Variants in LRATD2 observed in about 807,000 individuals in gnomAD.
LRATD2 encodes the protein LRAT domain containing 2.
LRATD2 carries 10 observed loss-of-function variants against 12.0 expected under a neutral mutation model. That is an observed-to-expected ratio of 0.83 (90% CI 0.51 to 1.41). The LOEUF is 1.41. Among genes scored for constraint, LRATD2 ranks in the 40% most tolerant of loss-of-function variants. The probability of loss-of-function intolerance (pLI) is 0.00; values close to 1 mark genes in which losing one functional copy is unlikely to be tolerated. For synonymous variants in LRATD2, 220 were observed against 205.8 expected (o/e 1.07, Z -0.59); for missense variants, 455 against 446.1 (o/e 1.02, Z -0.18).
rs562691402 is a variant in LRATD2 at position 126,556,486 on chromosome 8, C to G, written c.904G>C (p.Glu302Gln). Reference sequence around the variant, plus strand: ...TGTGCCACTGCCTCTCCGTCCTCCTCCTCGGAGCTGGGCGCAGGGGGGCGC... The same window carrying G: ...TGTGCCACTGCCTCTCCGTCCTCCTGCTCGGAGCTGGGCGCAGGGGGGCGC... ...PGRPPAPSSE[E>Q]EDGEAVAH Residue 302 changes from glutamate to glutamine, a missense_variant, in exon 2 of 2, where the codon GAG becomes CAG. Physicochemically the swap from Glu to Gln is conservative, Grantham distance 29. Coordinates refer to ENST00000304916, the MANE Select transcript of LRATD2 (RefSeq NM_174911.5). This position sits in a 1 kb window ranked among gnomAD's most constrained non-coding sequence, Gnocchi z 5.6. The G allele has an allele frequency of 4.4e-6, 7 of 1,586,618 alleles. No homozygotes were observed. The African/African-American group carries it at 9.4e-5, about 21-fold the overall frequency.
In LRATD2 at chr8:126,556,442, C is replaced by A. The variant is rs1190092728; in HGVS notation, c.*15G>T. ...CAAACAGTTCCCCTTCGCAGCTCTGCGCTCAGCTCGCCCATCAGTGTGCCA... is the reference window on the plus strand; with the variant it reads ...CAAACAGTTCCCCTTCGCAGCTCTGAGCTCAGCTCGCCCATCAGTGTGCCA... On this transcript the variant is annotated 3_prime_UTR_variant, in exon 2 of 2. Transcript: ENST00000304916. This position sits in a 1 kb window ranked among gnomAD's most constrained non-coding sequence, Gnocchi z 5.6. 6.5e-7 allele frequency: 1 copy of A among 1,545,820 alleles called. No homozygotes were observed. Among genetic ancestry groups the A allele is most frequent in the Non-Finnish European group, 8.7e-7 (1 of 1,152,122 alleles).
In LRATD2 at chr8:126,556,934, G is replaced by T; in HGVS notation, c.456C>A (p.Asn152Lys). The T allele has an allele frequency of 6.2e-7, 1 of 1,610,312 alleles. No individual in the cohort carries two copies. The change falls in exon 2 of 2, where the codon AAC becomes AAA. Residue 152 changes from asparagine (N) to lysine (K), a missense_variant. Asn to Lys is a moderately conservative substitution (Grantham distance 94, BLOSUM62 0). Transcript: ENST00000304916. The surrounding 1 kb of genome is among the most constrained non-coding windows in gnomAD (Gnocchi z 5.6). ...VVHLHRLEVI[N>K]SFLTDASQGR... ...CCTGGCTGGCGTCAGTCAGGAAGCT[G>T]TTAATCACCTCCAGCCGGTGCAGGT... is the stretch of plus-strand genomic sequence containing the variant.
chr8:126,556,488 T>C lies in LRATD2; in HGVS notation c.902A>G (p.Glu301Gly). 1 of 1,586,876 alleles carries C rather than the reference T, an allele frequency of 6.3e-7. No individual in the cohort carries two copies. The highest frequency in any genetic ancestry group is 8.6e-7 in the Non-Finnish European group (1 of 1,169,164). Residue 301 changes from glutamate to glycine, a missense_variant, in exon 2 of 2, where the codon GAG (glutamate) becomes GGG (glycine). Glu to Gly is a moderately conservative substitution (Grantham distance 98, BLOSUM62 -2). Coordinates refer to ENST00000304916, the MANE Select transcript of LRATD2 (RefSeq NM_174911.5). The surrounding 1 kb of genome is among the most constrained non-coding windows in gnomAD (Gnocchi z 5.6). ...PPGRPPAPSS[E>G]EEDGEAVAH ...TGCCACTGCCTCTCCGTCCTCCTCC[T>C]CGGAGCTGGGCGCAGGGGGGCGCCC...
chr8:126,556,736 G>A lies in LRATD2; in HGVS notation c.654C>T (p.Gly218=), dbSNP rs1393845514. 1.2e-6 allele frequency: 2 copies of A among 1,602,988 alleles called. No homozygotes were observed. Among genetic ancestry groups the A allele is most frequent in the Admixed American group, 1.7e-5 (1 of 58,940 alleles). Residue 218 remains glycine (G), a synonymous_variant, in exon 2 of 2, where the codon GGC becomes GGT. Transcript: ENST00000304916. The surrounding 1 kb of genome is among the most constrained non-coding windows in gnomAD (Gnocchi z 5.6). The stretch of plus-strand genomic sequence containing the variant: ...GCTGCTTGCCGATGCGCAGCTCGCC[G>A]CCGATCTTGAACTCGCGCTTGCCGT... ...CRYGKREFKI[G]GELRIGKQPY...
rs1042415824 is a variant in LRATD2 at position 126,554,483 on chromosome 8, C to G, written c.*1974G>C. The G allele has an allele frequency of 4.6e-5, 7 of 152,196 alleles. No homozygotes were observed. Among genetic ancestry groups the G allele is most frequent in the African/African-American group, 1.7e-4 (7 of 41,456 alleles). 9.4% of individuals were successfully genotyped at this position (152,196 alleles called of 1,614,324 possible). A position where few individuals can be genotyped will look rare whatever the true frequency, so the allele number is the denominator to read the frequency against. ...ATGGACACTAGATTTACATTTCCAA[C>G]AAGAAATTCATCTCCCTCCAAAGTC... On this transcript the variant is annotated 3_prime_UTR_variant, in exon 2 of 2. Transcript: ENST00000304916.
chr8:126,557,450 C>T lies in LRATD2; in HGVS notation c.-61G>A. On this transcript the variant is annotated 5_prime_UTR_variant, in exon 2 of 2. An upstream start codon of the reference 5' UTR is lost. Transcript: ENST00000304916. The surrounding 1 kb of genome is among the most constrained non-coding windows in gnomAD (Gnocchi z 5.3). ...GAGAAAGCGAAACCAACTCCAGGGT[C>T]ATTTGCACAGGTCCCCGGACAGGGG... 2 of 1,564,994 alleles carry T rather than the reference C, an allele frequency of 1.3e-6. No individual in the cohort carries two copies. The highest frequency in any genetic ancestry group is 1.7e-6 in the Non-Finnish European group (2 of 1,152,042).
At position 126,556,380 on chromosome 8, in the gene LRATD2, A is replaced by G; in HGVS notation, c.*77T>C. The stretch of plus-strand genomic sequence containing the variant: ...GGGCCCAGACAGTGGCAAAAGAGGG[A>G]GGAAGAGAGGGAGAAAGGGAGCAGC... On this transcript the variant is annotated 3_prime_UTR_variant, in exon 2 of 2. Transcript: ENST00000304916. The surrounding 1 kb of genome is among the most constrained non-coding windows in gnomAD (Gnocchi z 5.6). 1.4e-6 allele frequency: 2 copies of G among 1,432,512 alleles called. No individual in the cohort carries two copies. The highest frequency in any genetic ancestry group is 1.9e-6 in the Non-Finnish European group (2 of 1,081,014). 88.7% of individuals were successfully genotyped at this position (1,432,512 alleles called of 1,614,324 possible).
rs1172859982 is a variant in LRATD2, at chr8:126,555,055, A to G, written c.*1402T>C. 6.6e-6 allele frequency: 1 copy of G among 152,190 alleles called. No homozygotes were observed. The highest frequency in any genetic ancestry group is 1.5e-5 in the Non-Finnish European group (1 of 68,022). 9.4% of individuals were successfully genotyped at this position (152,190 alleles called of 1,614,324 possible). A position where few individuals can be genotyped will look rare whatever the true frequency, so the allele number is the denominator to read the frequency against. On this transcript the variant is annotated 3_prime_UTR_variant, in exon 2 of 2. Transcript: ENST00000304916. ...TATCTGCTCAGCCTGCCGCTAACAG[A>G]TCTCACAATCACCAACTGTGCTTTA... is the stretch of plus-strand genomic sequence containing the variant.
In LRATD2 at chr8:126,557,218, C is replaced by T; in HGVS notation, c.172G>A (p.Gly58Ser). Residue 58 changes from glycine to serine, a missense_variant, in exon 2 of 2, where the codon GGC (glycine) becomes AGC (serine). Physicochemically the swap from Gly to Ser is moderately conservative, Grantham distance 56. Transcript: ENST00000304916. This position sits in a 1 kb window ranked among gnomAD's most constrained non-coding sequence, Gnocchi z 5.3. ...GGCCCGTCCCCACCGTCGGGCAAGC[C>T]GCCGCCATCTGGCCCCTGAGGCGGC... ...QPPPQGPDGG[G>S]LPDGGDGPPP... 1.3e-6 allele frequency: 2 copies of T among 1,599,876 alleles called. No individual in the cohort carries two copies.
In LRATD2 at chr8:126,556,489, C is replaced by A. The variant is rs770237284; in HGVS notation, c.901G>T (p.Glu301Ter). Reference protein sequence around the residue: ...PPGRPPAPSSEEEDGEAVAH With the variant: ...PPGRPPAPSS Reference sequence around the variant, plus strand: ...GCCACTGCCTCTCCGTCCTCCTCCTCGGAGCTGGGCGCAGGGGGGCGCCCG... The same window carrying A: ...GCCACTGCCTCTCCGTCCTCCTCCTAGGAGCTGGGCGCAGGGGGGCGCCCG... Residue 301 changes from glutamate (E) to a stop codon, truncating the protein, a stop_gained, in exon 2 of 2, where the codon GAG (glutamate) becomes TAG (stop). Coordinates refer to ENST00000304916, the MANE Select transcript of LRATD2 (RefSeq NM_174911.5). LOFTEE classifies it high-confidence loss of function. This position sits in a 1 kb window ranked among gnomAD's most constrained non-coding sequence, Gnocchi z 5.6. The A allele has an allele frequency of 1.3e-6, 2 of 1,586,292 alleles. No individual in the cohort carries two copies. The highest frequency in any genetic ancestry group is 8.6e-7 in the Non-Finnish European group (1 of 1,168,944).
chr8:126,556,301 A>G lies in LRATD2; in HGVS notation c.*156T>C. ...GTCCCCTTCCTCCTCCCCCGTCCAC[A>G]GCCGGCTGCGCATTTCACCAACTCT... is the stretch of plus-strand genomic sequence containing the variant. On this transcript the variant is annotated 3_prime_UTR_variant, in exon 2 of 2. Coordinates refer to ENST00000304916, the MANE Select transcript of LRATD2 (RefSeq NM_174911.5). The surrounding 1 kb of genome is among the most constrained non-coding windows in gnomAD (Gnocchi z 5.6). 1 of 867,064 alleles carries G rather than the reference A, an allele frequency of 1.2e-6. No individual in the cohort carries two copies. Among genetic ancestry groups the G allele is most frequent in the Non-Finnish European group, 1.7e-6 (1 of 599,864 alleles). The allele number at this position is 867,064 out of a possible 1,614,324, so 53.7% of individuals were successfully genotyped here. A position where few individuals can be genotyped will look rare whatever the true frequency, so the allele number is the denominator to read the frequency against.
Sources: allele counts gnomAD v4.1 joint callset, GRCh38; gene constraint gnomAD v4.1.1; non-coding constraint Gnocchi (gnomAD v3.1); transcripts MANE v1.5; gene names NCBI Gene and HGNC (gene_info 2026-07-23, HGNC 2026-07-21).